The following PCDHGA4 variants were observed in gnomAD, a reference collection of about 807,000 sequenced individuals.
PCDHGA4 encodes protocadherin gamma subfamily A, 4.
PCDHGA4 carries 38 observed loss-of-function variants against 54.6 expected under a neutral mutation model. The observed-to-expected ratio is 0.70, with a 90% confidence interval of 0.54 to 0.91. The LOEUF (loss-of-function observed/expected upper bound fraction) is 0.91, where lower values mean the gene tolerates loss of function less well. Ranked by LOEUF, PCDHGA4 falls within the 40% of genes least tolerant of loss-of-function variation. The pLI is 0.00. For synonymous variants in PCDHGA4, 511 were observed against 512.9 expected (o/e 1.00, Z 0.05); for missense variants, 1,298 against 1,220.9 (o/e 1.06, Z -0.94).
intron 1 of PCDHGA4, chr5:141,383,406 T>C (rs780989648): frequency 6.2e-7 from 1 of 1,613,748 alleles, no homozygotes; most frequent in Admixed American, 1.7e-5. Context: ...CCCTCCAGAG[T>C]TACCAGCTCA....
At chr5:141,470,961 C>T (rs1447105252) in intron 1 of PCDHGA4, among the ~76,000 whole-genome samples, 1 of 152,036 alleles carries the variant, frequency 6.6e-6, no homozygotes, top group Non-Finnish European at 1.5e-5. Context: ...AAGTGATCCT[C>T]CCACCTCAGC....
At position 141,438,956 on chromosome 5, in the gene PCDHGA4, G is replaced by A. The variant is rs140181975; in HGVS notation, c.2515-55851G>A. 3.9e-3 allele frequency among the ~76,000 whole-genome samples: 592 copies of A among 151,974 alleles called. 6 individuals are homozygous for A. Among genetic ancestry groups the A allele is most frequent in the Admixed American group, 0.011 (171 of 15,242 alleles). On this transcript the variant is annotated intron_variant, in intron 1 of 3. Coordinates refer to ENST00000571252, the MANE Select transcript of PCDHGA4 (RefSeq NM_018917.4). ...GCTGGGATTATAGGCATGAGCCACCGCACCCTGCCAACTGTCTGACTTATC... is the reference window on the plus strand; with the variant it reads ...GCTGGGATTATAGGCATGAGCCACCACACCCTGCCAACTGTCTGACTTATC...
chr5:141,402,223 T>C (rs1329025694), intron 1 of PCDHGA4, among the ~76,000 whole-genome samples: 1 of 152,054 alleles, frequency 6.6e-6, no homozygotes, highest in Non-Finnish European at 1.5e-5. Context: ...AAATAAACGT[T>C]TTTCCAGGAA....
intron 1 of PCDHGA4, chr5:141,382,931 G>A (rs1415161617): frequency 6.3e-7 from 1 of 1,584,178 alleles, no homozygotes; most frequent in Non-Finnish European, 8.6e-7. Context: ...GGGGACTACA[G>A]AGGATTCTTC....
At chr5:141,502,666 T>C (rs962424461) in intron 2 of PCDHGA4, among the ~76,000 whole-genome samples, 10 of 152,234 alleles carry the variant, frequency 6.6e-5, no homozygotes, top group African/African-American at 2.2e-4. Context: ...CTTCATGCAA[T>C]TTTAGTATTC....
In PCDHGA4 at chr5:141,374,991, C is replaced by T. The variant is rs1470236717; in HGVS notation, c.2514+17370C>T. 4 of 1,614,036 alleles carry T rather than the reference C, an allele frequency of 2.5e-6. No individual in the cohort carries two copies. The Admixed American group carries it at 5.0e-5, about 20-fold the overall frequency. ...AATGTTTTGACTGGAGAAATTTCAACTTCTGCAAATCTAGACTATGAGGAC... is the reference window on the plus strand; with the variant it reads ...AATGTTTTGACTGGAGAAATTTCAATTTCTGCAAATCTAGACTATGAGGAC... On this transcript the variant is annotated intron_variant, in intron 1 of 3. Transcript: ENST00000571252.
At position 141,490,745 on chromosome 5, in the gene PCDHGA4, C is replaced by A. The variant is rs769031787; in HGVS notation, c.2515-4062C>A. 1 of 1,614,238 alleles carries A rather than the reference C, an allele frequency of 6.2e-7. No homozygotes were observed. Among genetic ancestry groups the A allele is most frequent in the Non-Finnish European group, 8.5e-7 (1 of 1,180,042 alleles). ...GTAGGAAATCAGGTTCAGGGAGCCCCAGCCTCCTCCTTTGTGTATGTCAAC... is the reference window on the plus strand; with the variant it reads ...GTAGGAAATCAGGTTCAGGGAGCCCAAGCCTCCTCCTTTGTGTATGTCAAC... On this transcript the variant is annotated intron_variant, in intron 1 of 3. Transcript: ENST00000571252. The surrounding 1 kb of genome is among the most constrained non-coding windows in gnomAD (Gnocchi z 5.4).
At chr5:141,428,616 G>A (rs2097151212) in intron 1 of PCDHGA4, 1 of 207,844 alleles carries the variant, frequency 4.8e-6, no homozygotes, top group Admixed American at 5.3e-5. Flanking sequence ...AGAATAACAA[G>A]ATAAGCTCTA....
At chr5:141,426,986 C>A (rs764345099) in intron 1 of PCDHGA4, 6 of 456,618 alleles carry the variant, frequency 1.3e-5, no homozygotes, top group Non-Finnish European at 2.2e-5. Flanking sequence ...CTGATGCCAA[C>A]GATAATGCCC....
At position 141,482,530 on chromosome 5, in the gene PCDHGA4, C is replaced by CAA. The variant is rs3074545; in HGVS notation, c.2515-12259_2515-12258dup. ...CAGAGTACAGTATGAGACAGACATG[C>CAA]AAAAAAAAAAAAAAAAAAAGATAAT... On this transcript the variant is annotated intron_variant, in intron 1 of 3. Transcript: ENST00000571252. Among the ~76,000 whole-genome samples the CAA allele has an allele frequency of 5.5e-3, 422 of 76,516 alleles. 18 individuals are homozygous for CAA. Among genetic ancestry groups the CAA allele is most frequent in the African/African-American group, 0.016 (343 of 20,862 alleles). The allele number at this position is 76,516 out of a possible 152,430, so 50.2% of individuals were successfully genotyped here.
At chr5:141,435,593 G>A (rs183768133) in intron 1 of PCDHGA4, among the ~76,000 whole-genome samples, 9 of 152,112 alleles carry the variant, frequency 5.9e-5, no homozygotes, top group Admixed American at 2.6e-4. Flanking sequence ...CAGTAATATC[G>A]CCTGCTTTTT....
At chr5:141,409,576 G>C (rs1238671221) in intron 1 of PCDHGA4, 52 of 1,613,806 alleles carry the variant, frequency 3.2e-5, no homozygotes, top group Non-Finnish European at 4.2e-5. Flanking sequence ...CGTCCTACGT[G>C]GTCCACGTGG....
intron 1 of PCDHGA4, chr5:141,419,497 G>T (rs1357823931): frequency 9.9e-6 from 16 of 1,612,390 alleles, no homozygotes; most frequent in Non-Finnish European, 1.4e-5. Context: ...GCGCCAATGT[G>T]AGCCTGCGCG....
rs539223559 is a variant in PCDHGA4, at chr5:141,356,629, C to A, written c.1522C>A (p.Gln508Lys). 1 of 1,614,188 alleles carries A rather than the reference C, an allele frequency of 6.2e-7. No individual in the cohort carries two copies. Among genetic ancestry groups the A allele is most frequent in the African/African-American group, 1.3e-5 (1 of 75,054 alleles). Residue 508 changes from glutamine to lysine, a missense_variant, in exon 1 of 4, where the codon CAA (glutamine) becomes AAA (lysine). By Grantham distance (53) the Gln-to-Lys change is moderately conservative. Coordinates refer to ENST00000571252, the MANE Select transcript of PCDHGA4 (RefSeq NM_018917.4). ...AGCCTCCATCTTATCTATGACTGCT[C>A]AAGACCCTGACAGTGGTGACAATGC... ...RGASILSMTA[Q>K]DPDSGDNARI...
chr5:141,387,560 C>A, intron 1 of PCDHGA4: 1 of 421,856 alleles, frequency 2.4e-6, no homozygotes, highest in East Asian at 3.8e-5. Context: ...CAGTTAGGCA[C>A]ACAATTATAA....
At chr5:141,415,801 A>G (rs560476453) in intron 1 of PCDHGA4, 12 of 1,373,384 alleles carry the variant, frequency 8.7e-6, no homozygotes, top group East Asian at 5.3e-5. Flanking sequence ...CCTAGTCTCA[A>G]TCAAGGCCTA....
intron 1 of PCDHGA4, chr5:141,400,120 C>T: frequency 1.2e-6 from 2 of 1,614,076 alleles, no homozygotes; most frequent in Non-Finnish European, 1.7e-6. Flanking sequence ...TGACAGCTTG[C>T]AGGAGGTGCT....
intron 1 of PCDHGA4, chr5:141,419,815 A>T: frequency 6.2e-7 from 1 of 1,613,988 alleles, no homozygotes. Context: ...GAGGACAGCC[A>T]CCCCTTTCAG....
chr5:141,440,959 G>A (rs1313315196), intron 1 of PCDHGA4: 1 of 152,216 alleles, frequency 6.6e-6, no homozygotes, highest in Non-Finnish European at 1.5e-5. Flanking sequence ...TCAAGGCAGA[G>A]ATCACATATG....
Sources: allele counts gnomAD v4.1 joint callset (sites outside exome capture counted in the v4.1 genomes callset), GRCh38; gene constraint gnomAD v4.1.1; non-coding constraint Gnocchi (gnomAD v3.1); transcripts MANE v1.5; gene names NCBI Gene and HGNC (gene_info 2026-07-23, HGNC 2026-07-21).